The following UBE3D variants were observed in gnomAD, a reference collection of about 807,000 sequenced individuals.
UBE3D encodes E3 ubiquitin-protein ligase E3D.
Under a neutral mutation model 49.6 loss-of-function variants are expected in UBE3D, and 48 were observed. That is an observed-to-expected ratio of 0.97 (90% confidence interval 0.77 to 1.23). The LOEUF is 1.23. UBE3D is among the 50% of genes most tolerant of loss of function. The pLI, the probability that UBE3D is intolerant of heterozygous loss-of-function variation, is 0.00. For synonymous variants in UBE3D, 189 were observed against 174.2 expected (o/e 1.08, Z -0.67); for missense variants, 452 against 468.4 (o/e 0.96, Z 0.32).
chr6:83,005,424 G>A (rs1562175843), intron 8 of UBE3D, among the ~76,000 whole-genome samples: 1 of 151,932 alleles, frequency 6.6e-6, no homozygotes, highest in South Asian at 2.1e-4. Flanking sequence ...CGGTATGAAG[G>A]TTCCTCAAAT....
chr6:83,026,566 AAT>A, intron 5 of UBE3D, among the ~76,000 whole-genome samples: 1 of 152,160 alleles, frequency 6.6e-6, no homozygotes, highest in East Asian at 1.9e-4. Context: ...TTCATAGATT[AAT>A]ATATAGACAG....
downstream of UBE3D, among the ~76,000 whole-genome samples, chr6:82,889,929 T>C (rs1357943409): frequency 6.6e-6 from 1 of 151,272 alleles, no homozygotes; most frequent in Non-Finnish European, 1.5e-5. Context: ...TTATACTAGA[T>C]AAAAACAAGT....
intron 8 of UBE3D, among the ~76,000 whole-genome samples, chr6:82,974,692 A>T (rs537882057): frequency 1.3e-5 from 2 of 152,224 alleles, no homozygotes; most frequent in South Asian, 4.2e-4. Context: ...TAGCTACTCA[A>T]GAAATCAGTA....
At chr6:82,955,748 C>A (rs1776112340) in intron 9 of UBE3D, among the ~76,000 whole-genome samples, 3 of 152,200 alleles carry the variant, frequency 2.0e-5, no homozygotes, top group Admixed American at 6.5e-5. Flanking sequence ...CCCCCAGGAC[C>A]TTAGTGGGCA....
chr6:83,019,911 A>C (rs1310255350), intron 7 of UBE3D, among the ~76,000 whole-genome samples: 1 of 152,174 alleles, frequency 6.6e-6, no homozygotes, highest in Non-Finnish European at 1.5e-5. Flanking sequence ...ACTGTGGCGG[A>C]CAGGTAACTT....
At chr6:83,040,257 G>A (rs758474687) in intron 4 of UBE3D, among the ~76,000 whole-genome samples, 3 of 151,886 alleles carry the variant, frequency 2.0e-5, no homozygotes, top group South Asian at 2.1e-4. Flanking sequence ...CGTGGTGCGC[G>A]CTTGTAGTCC....
intron 8 of UBE3D, among the ~76,000 whole-genome samples, chr6:82,980,194 A>C (rs1778017416): frequency 6.6e-6 from 1 of 152,168 alleles, no homozygotes; most frequent in Admixed American, 6.5e-5. Context: ...ACCAATTTAC[A>C]TTCCTGCCAA....
At chr6:82,995,150 G>A (rs1021424709) in intron 8 of UBE3D, among the ~76,000 whole-genome samples, 1 of 152,140 alleles carries the variant, frequency 6.6e-6, no homozygotes, top group Non-Finnish European at 1.5e-5. Flanking sequence ...AGAGGCCAGA[G>A]GCAAACCAGG....
intron 9 of UBE3D, among the ~76,000 whole-genome samples, chr6:82,933,854 C>A (rs146760880): frequency 2.0e-5 from 3 of 152,116 alleles, no homozygotes; most frequent in African/African-American, 7.2e-5. Context: ...CTTCCATGGA[C>A]CAGAAGCACA....
At chr6:83,008,756 T>C (rs1780154621) in intron 8 of UBE3D, among the ~76,000 whole-genome samples, 1 of 152,222 alleles carries the variant, frequency 6.6e-6, no homozygotes, top group African/African-American at 2.4e-5. Context: ...TGCCAGGAAG[T>C]CTACAGCTTG....
chr6:82,886,646 T>G, the UBE3D span, among the ~76,000 whole-genome samples: 1 of 152,246 alleles, frequency 6.6e-6, no homozygotes, highest in Admixed American at 6.5e-5. Flanking sequence ...GTAGGAAATG[T>G]GTTTTCTTTA....
chr6:83,043,134 A>G (rs1023697619), intron 4 of UBE3D, among the ~76,000 whole-genome samples: 1 of 152,256 alleles, frequency 6.6e-6, no homozygotes, highest in South Asian at 2.1e-4. Flanking sequence ...TGTAAATGGC[A>G]TCACATAACT....
chr6:82,936,578 T>C (rs1774593005), intron 9 of UBE3D, among the ~76,000 whole-genome samples: 1 of 152,294 alleles, frequency 6.6e-6, no homozygotes, highest in Non-Finnish European at 1.5e-5. Context: ...ATTCTGCCAA[T>C]TTAGTCTGTG....
intron 5 of UBE3D, among the ~76,000 whole-genome samples, chr6:83,035,158 G>C (rs1457067158): frequency 6.7e-6 from 1 of 149,928 alleles, no homozygotes; most frequent in Non-Finnish European, 1.5e-5. Context: ...TCCAGCCTGG[G>C]CAACAGAGTG....
intron 8 of UBE3D, among the ~76,000 whole-genome samples, chr6:83,009,498 A>T (rs1780201710): frequency 6.6e-6 from 1 of 151,406 alleles, no homozygotes; most frequent in Non-Finnish European, 1.5e-5. Context: ...ATGCACCACC[A>T]TGAAAGAGAG....
rs200788839 is a variant in UBE3D, at chr6:83,060,646, G to C, written c.78-2624C>G. On this transcript the variant is annotated intron_variant, in intron 1 of 9. Coordinates refer to ENST00000369747, the MANE Select transcript of UBE3D (RefSeq NM_198920.3). ...TTTAAAAAACGAAATGAACAAACCA[G>C]AAACAAAGTTCCTCAGTAAAATGAC... Among the ~76,000 whole-genome samples the C allele has an allele frequency of 1.1e-4, 16 of 152,162 alleles. No homozygotes were observed. In the East Asian group the frequency reaches 3.1e-3, roughly 29 times the overall value.
At chr6:82,896,587 C>G (rs1393322470) in intron 9 of UBE3D, among the ~76,000 whole-genome samples, 5 of 152,066 alleles carry the variant, frequency 3.3e-5, no homozygotes, top group African/African-American at 1.2e-4. Flanking sequence ...TAAACATGGC[C>G]AGGTTGATGT....
the UBE3D span, among the ~76,000 whole-genome samples, chr6:82,884,535 C>T: frequency 2.0e-5 from 3 of 152,252 alleles, no homozygotes; most frequent in South Asian, 6.2e-4. Flanking sequence ...GCTCATTTCA[C>T]CTCATTGTCT....
At chr6:82,902,222 A>C (rs1289805545) in intron 9 of UBE3D, among the ~76,000 whole-genome samples, 1 of 152,188 alleles carries the variant, frequency 6.6e-6, no homozygotes, top group Non-Finnish European at 1.5e-5. Context: ...CATTCGAGAA[A>C]ACAGTTTGGC....
Sources: gnomAD v4.1 joint callset for allele counts (sites outside exome capture counted in the v4.1 genomes callset) on GRCh38, gnomAD v4.1.1 for gene constraint, MANE v1.5 for transcripts, NCBI Gene and HGNC (gene_info 2026-07-23, HGNC 2026-07-21) for gene names.